The following FBXW4 variants were observed in gnomAD, a reference collection of about 807,000 sequenced individuals.
FBXW4 encodes F-box and WD repeat domain containing 4.
Under a neutral mutation model 61.8 loss-of-function variants are expected in FBXW4, and 40 were observed. The ratio of observed to expected loss-of-function variants is 0.65; its 90% CI spans 0.50 to 0.84. FBXW4 has a LOEUF of 0.84. FBXW4 is among the 40% of genes least tolerant of loss of function. The probability of loss-of-function intolerance (pLI) is 0.00; values close to 1 mark genes in which losing one functional copy is unlikely to be tolerated. For synonymous variants in FBXW4, 311 were observed against 313.8 expected, an observed-to-expected ratio of 0.99 and a Z score of 0.10; for missense variants, 672 against 753.8, an observed-to-expected ratio of 0.89 and a Z score of 1.27.
chr10:101,639,574 C>T (rs1432687461), intron 5 of FBXW4, among the ~76,000 whole-genome samples: 1 of 152,224 alleles, frequency 6.6e-6, no homozygotes, highest in Non-Finnish European at 1.5e-5. Flanking sequence ...GAGAGATCCA[C>T]CATGTTCTTA....
chr10:101,693,025 G>A (rs1249913588), intron 1 of FBXW4, among the ~76,000 whole-genome samples: 2 of 152,154 alleles, frequency 1.3e-5, no homozygotes, highest in East Asian at 3.8e-4. Flanking sequence ...TAATAAATGG[G>A]CAAAGAGTGG....
intron 5 of FBXW4, among the ~76,000 whole-genome samples, chr10:101,651,119 T>C (rs1247592541): frequency 6.6e-6 from 1 of 152,052 alleles, no homozygotes; most frequent in Admixed American, 6.6e-5. Flanking sequence ...CACCAGTCTC[T>C]GAGCCCCCAG....
At chr10:101,661,313 C>T (rs191218396) in intron 5 of FBXW4, among the ~76,000 whole-genome samples, 11 of 152,324 alleles carry the variant, frequency 7.2e-5, no homozygotes, top group Admixed American at 2.0e-4. Context: ...ACATGAGCCT[C>T]CCTGTGCCTA....
At chr10:101,669,891 T>A (rs2064342752) in intron 4 of FBXW4, among the ~76,000 whole-genome samples, 2 of 151,696 alleles carry the variant, frequency 1.3e-5, no homozygotes, top group African/African-American at 4.8e-5. Flanking sequence ...AGTAGCTGGG[T>A]CTACAGGCGC....
intron 5 of FBXW4, among the ~76,000 whole-genome samples, chr10:101,667,533 C>A (rs1383902096): frequency 6.6e-6 from 1 of 152,070 alleles, no homozygotes; most frequent in African/African-American, 2.4e-5. Flanking sequence ...GCTGTCACCT[C>A]CGAGAGGTGG....
At chr10:101,631,825 C>T (rs562256981) in intron 5 of FBXW4, among the ~76,000 whole-genome samples, 7 of 152,182 alleles carry the variant, frequency 4.6e-5, no homozygotes, top group South Asian at 2.1e-4. Context: ...GATGGGGTTT[C>T]GCCGTGTTAG....
intron 1 of FBXW4, among the ~76,000 whole-genome samples, chr10:101,678,065 C>G (rs544546023): frequency 6.6e-6 from 1 of 152,204 alleles, no homozygotes; most frequent in East Asian, 1.9e-4. Context: ...ATTCATTCAA[C>G]TTTTCTGAGT....
intron 6 of FBXW4, among the ~76,000 whole-genome samples, chr10:101,621,758 C>G (rs1429253353): frequency 6.6e-6 from 1 of 152,136 alleles, no homozygotes; most frequent in Non-Finnish European, 1.5e-5. Flanking sequence ...CAGCAAGAGG[C>G]ACAGATAAGT....
chr10:101,652,496 G>C (rs1335606665), intron 5 of FBXW4, among the ~76,000 whole-genome samples: 1 of 151,484 alleles, frequency 6.6e-6, no homozygotes, highest in Non-Finnish European at 1.5e-5. Flanking sequence ...GAGCTGAGGG[G>C]GGAAAAATTA....
chr10:101,676,711 G>GAAAAAAAAAAA (rs56232127), intron 1 of FBXW4: 26 of 64,762 alleles, frequency 4.0e-4, no homozygotes, highest in East Asian at 5.9e-4. Context: ...TCCAGATTGG[G>GAAAAAAAAAAA]AAAAAAAAAA....
chr10:101,694,600 G>GCCTCCT lies in FBXW4; in HGVS notation c.500_505dup (p.Glu167_Glu168dup), dbSNP rs560966094. ...CGGGCGGGCAGCCGACTCCCGAGCC[G>GCCTCCT]CCTCCTCCTCCTCCTCCTCCTCCCC... On this transcript the variant is annotated inframe_insertion, in exon 1 of 9. Coordinates refer to ENST00000331272, the MANE Select transcript of FBXW4 (RefSeq NM_022039.4). The surrounding 1 kb of genome is among the most constrained non-coding windows in gnomAD (Gnocchi z 6.0). 9.3e-5 allele frequency: 133 copies of GCCTCCT among 1,426,236 alleles called. No homozygotes were observed. The African/African-American group carries it at 1.2e-3, about 13-fold the overall frequency. 88.3% of individuals were successfully genotyped at this position (1,426,236 alleles called of 1,614,324 possible). A position where few individuals can be genotyped will look rare whatever the true frequency, so the allele number is the denominator to read the frequency against.
At chr10:101,653,125 TA>T (rs1439366361) in intron 5 of FBXW4, among the ~76,000 whole-genome samples, 8 of 152,132 alleles carry the variant, frequency 5.3e-5, no homozygotes, top group Non-Finnish European at 1.2e-4. Context: ...CTCACAGAGG[TA>T]CTCGTCTCTT....
At chr10:101,666,747 C>T (rs2064304514) in intron 5 of FBXW4, among the ~76,000 whole-genome samples, 1 of 152,114 alleles carries the variant, frequency 6.6e-6, no homozygotes, top group Non-Finnish European at 1.5e-5. Flanking sequence ...GGGATGCAAA[C>T]CTCACTTGTC....
intron 1 of FBXW4, among the ~76,000 whole-genome samples, chr10:101,693,917 C>A (rs1387108615): frequency 6.6e-6 from 1 of 152,054 alleles, no homozygotes; most frequent in Non-Finnish European, 1.5e-5. Flanking sequence ...AGCTTAACAA[C>A]CTTTAGAAAA....
chr10:101,658,817 T>C (rs1278550363), intron 5 of FBXW4, among the ~76,000 whole-genome samples: 2 of 152,072 alleles, frequency 1.3e-5, no homozygotes, highest in African/African-American at 4.8e-5. Flanking sequence ...GTAAGCTCCA[T>C]TGGCTCAAAA....
intron 5 of FBXW4, among the ~76,000 whole-genome samples, chr10:101,644,507 T>A (rs1049124890): frequency 6.6e-6 from 1 of 152,168 alleles, no homozygotes; most frequent in African/African-American, 2.4e-5. Flanking sequence ...AAACTGAACC[T>A]GAGCAGCCAT....
chr10:101,642,101 G>A (rs1257111575), intron 5 of FBXW4, among the ~76,000 whole-genome samples: 1 of 152,176 alleles, frequency 6.6e-6, no homozygotes, highest in Non-Finnish European at 1.5e-5. Flanking sequence ...GAGAGGCAGA[G>A]GTTGCAGTGA....
In FBXW4 at chr10:101,694,941, C is replaced by T; in HGVS notation, c.165G>A (p.Gly55=). 9 of 1,232,024 alleles carry T rather than the reference C, an allele frequency of 7.3e-6. No homozygotes were observed. The highest frequency in any genetic ancestry group is 9.1e-6 in the Non-Finnish European group (9 of 987,466). 76.3% of individuals were successfully genotyped at this position (1,232,024 alleles called of 1,614,324 possible). ...TCTGCGGCCCGGGCTTCCCTTCCGC[C>T]CCGCTTCCTCTTCCGCCTTGCCCCG... ...ARAGQGGRGS[G]AEGKPGPQTA... The change falls in exon 1 of 9, where the codon GGG becomes GGA. Residue 55 remains glycine, a synonymous_variant. Transcript: ENST00000331272. This position sits in a 1 kb window ranked among gnomAD's most constrained non-coding sequence, Gnocchi z 6.0.
intron 5 of FBXW4, among the ~76,000 whole-genome samples, chr10:101,655,976 T>C (rs993680885): frequency 1.6e-4 from 25 of 152,202 alleles, no homozygotes; most frequent in African/African-American, 6.0e-4. Context: ...GGAACACTCA[T>C]GGTGGGGACA....
Sources: allele counts gnomAD v4.1 joint callset (sites outside exome capture counted in the v4.1 genomes callset), GRCh38; gene constraint gnomAD v4.1.1; non-coding constraint Gnocchi (gnomAD v3.1); transcripts MANE v1.5; gene names NCBI Gene and HGNC (gene_info 2026-07-23, HGNC 2026-07-21).